The following RALB variants were observed in gnomAD, a reference collection of about 807,000 sequenced individuals.
RALB encodes the protein ras-related protein Ral-B.
In RALB, 16 loss-of-function variants were observed where a neutral mutation model predicts 21.3. The ratio of observed to expected loss-of-function variants is 0.75; its 90% CI spans 0.51 to 1.14. The LOEUF (loss-of-function observed/expected upper bound fraction) is 1.14, where lower values mean the gene tolerates loss of function less well. Among genes scored for constraint, RALB ranks in the 50% most tolerant of loss-of-function variants. The pLI, the probability that RALB is intolerant of heterozygous loss-of-function variation, is 0.00. For missense variants in RALB, 161 were observed against 256.2 expected (o/e 0.63, Z 2.54); for synonymous variants, 93 against 96.1 (o/e 0.97, Z 0.19).
chr2:120,249,529 T>G (rs1396624491), upstream of RALB, among the ~76,000 whole-genome samples: 2 of 152,182 alleles, frequency 1.3e-5, no homozygotes, highest in Non-Finnish European at 2.9e-5. Flanking sequence ...CATCTCATAC[T>G]GAGAGCGGGG....
intron 1 of RALB, among the ~76,000 whole-genome samples, chr2:120,264,896 G>A (rs951749153): frequency 2.0e-5 from 3 of 152,084 alleles, no homozygotes; most frequent in Non-Finnish European, 1.5e-5. Flanking sequence ...TTAGTATAAC[G>A]TCTTTAAGGG....
At chr2:120,277,943 GTGAA>G (rs1413927745) in intron 1 of RALB, among the ~76,000 whole-genome samples, 36 of 77,752 alleles carry the variant, frequency 4.6e-4, no homozygotes, top group Admixed American at 2.8e-3. Context: ...GTGAGCGAGT[GTGAA>G]TGTGTGAATG....
At chr2:120,272,729 A>G (rs1233824375) in intron 1 of RALB, among the ~76,000 whole-genome samples, 2 of 151,822 alleles carry the variant, frequency 1.3e-5, no homozygotes, top group Admixed American at 6.6e-5. Flanking sequence ...TCCTGTCTTT[A>G]TCTAGTCAGT....
chr2:120,255,184 G>A (rs1689167791), intron 1 of RALB, among the ~76,000 whole-genome samples: 1 of 152,086 alleles, frequency 6.6e-6, no homozygotes, highest in South Asian at 2.1e-4. Flanking sequence ...GTCTCCAGAT[G>A]GTATACAGGA....
intron 2 of RALB, among the ~76,000 whole-genome samples, chr2:120,279,545 A>AT (rs1689932449): frequency 6.6e-6 from 1 of 152,236 alleles, no homozygotes; most frequent in African/African-American, 2.4e-5. Context: ...ATTATGTATT[A>AT]TAAGTAATCT....
chr2:120,240,113 C>G (rs746691174), exon 1 of RALB: 1 of 1,289,682 alleles, frequency 7.8e-7, no homozygotes, highest in Admixed American at 2.3e-5. Flanking sequence ...CTGCATGAAA[C>G]AGCGGCAGTC....
At chr2:120,290,187 C>T (rs796187710) in intron 4 of RALB, among the ~76,000 whole-genome samples, 6 of 152,152 alleles carry the variant, frequency 3.9e-5, no homozygotes, top group African/African-American at 1.4e-4. Flanking sequence ...TGGGGTTTCA[C>T]CATGTTGCCC....
chr2:120,278,509 T>C, intron 1 of RALB, 109 bp from the exon 2 acceptor site: 1 of 1,068,284 alleles, frequency 9.4e-7, no homozygotes, highest in Non-Finnish European at 1.3e-6. Flanking sequence ...ATTACTTTCC[T>C]GTTGGAATGT....
intron 1 of RALB, among the ~76,000 whole-genome samples, chr2:120,246,247 G>C (rs1166009916): frequency 6.6e-6 from 1 of 152,186 alleles, no homozygotes. Flanking sequence ...CCCAGTCCTG[G>C]GGTGGCCCAT....
intron 1 of RALB, among the ~76,000 whole-genome samples, chr2:120,259,389 CAG>C (rs1689287558): frequency 6.6e-6 from 1 of 152,164 alleles, no homozygotes; most frequent in Non-Finnish European, 1.5e-5. Flanking sequence ...TAGTTAGATA[CAG>C]AGTTTCCACA....
At chr2:120,279,504 G>T (rs1398896261) in intron 2 of RALB, among the ~76,000 whole-genome samples, 2 of 152,194 alleles carry the variant, frequency 1.3e-5, no homozygotes, top group Non-Finnish European at 2.9e-5. Context: ...AACATGCAAT[G>T]TAACAACTGT....
chr2:120,265,637 T>TAG (rs1689482532), intron 1 of RALB, among the ~76,000 whole-genome samples: 1 of 152,168 alleles, frequency 6.6e-6, no homozygotes, highest in Non-Finnish European at 1.5e-5. Flanking sequence ...AATCCACTCA[T>TAG]AGAGCACAGA....
chr2:120,281,069 T>G (rs1689979166), intron 2 of RALB, among the ~76,000 whole-genome samples: 1 of 152,232 alleles, frequency 6.6e-6, no homozygotes, highest in Non-Finnish European at 1.5e-5. Flanking sequence ...GGGTCCAGAA[T>G]TGGAGCCTCA....
At position 120,293,856 on chromosome 2, in the gene RALB, C is replaced by T. The variant is rs959974354; in HGVS notation, c.*596C>T. The T allele has an allele frequency of 2.8e-5, 8 of 290,264 alleles. No individual in the cohort carries two copies. Among genetic ancestry groups the T allele is most frequent in the African/African-American group, 6.5e-5 (3 of 46,142 alleles). 18.0% of individuals were successfully genotyped at this position (290,264 alleles called of 1,614,324 possible). ...ATACCAAGCTTCTGATTCCTCCTCA[C>T]ATATGAAAAGTGAAAGTTGTGAGTT... On this transcript the variant is annotated 3_prime_UTR_variant, in exon 5 of 5. Coordinates refer to ENST00000272519, the MANE Select transcript of RALB (RefSeq NM_002881.3).
intron 2 of RALB, among the ~76,000 whole-genome samples, chr2:120,281,808 G>C (rs1558955579): frequency 6.6e-6 from 1 of 152,162 alleles, no homozygotes; most frequent in Non-Finnish European, 1.5e-5. Flanking sequence ...AACAGAGGTT[G>C]GGGAAGAGAG....
At chr2:120,253,040 ACGC>A (rs1249858520) in intron 1 of RALB, 60 bp downstream of exon 1, 1 of 917,052 alleles carries the variant, frequency 1.1e-6, no homozygotes, top group African/African-American at 1.8e-5. Context: ...GGAGTGGGGT[ACGC>A]CGCACGCCCG....
At chr2:120,247,702 T>A (rs563506733) in intron 1 of RALB, among the ~76,000 whole-genome samples, 1 of 152,336 alleles carries the variant, frequency 6.6e-6, no homozygotes, top group Admixed American at 6.5e-5. Flanking sequence ...GGTAGCTGCC[T>A]GCAAAAGGCT....
At chr2:120,286,652 T>A (rs1333725347) in intron 3 of RALB, among the ~76,000 whole-genome samples, 3 of 152,244 alleles carry the variant, frequency 2.0e-5, no homozygotes, top group African/African-American at 7.2e-5. Context: ...AGTGTCAGGA[T>A]TTTGTTTCTT....
intron 4 of RALB, among the ~76,000 whole-genome samples, chr2:120,291,548 C>T (rs767281709): frequency 6.6e-6 from 1 of 152,132 alleles, no homozygotes; most frequent in Non-Finnish European, 1.5e-5. Context: ...ACCAGCTTGA[C>T]CTGCCAAACA....
Sources: gnomAD v4.1 joint callset for allele counts (sites outside exome capture counted in the v4.1 genomes callset) on GRCh38, gnomAD v4.1.1 for gene constraint, MANE v1.5 for transcripts, NCBI Gene and HGNC (gene_info 2026-07-23, HGNC 2026-07-21) for gene names.